Variants in RFT1 observed in about 807,000 individuals in gnomAD.
RFT1 encodes man(5)GlcNAc(2)-PP-dolichol translocation protein RFT1.
RFT1 carries 43 observed loss-of-function variants against 62.2 expected under a neutral mutation model. The observed-to-expected ratio is 0.69, with a 90% CI of 0.54 to 0.89. The LOEUF (loss-of-function observed/expected upper bound fraction) is 0.89, where lower values mean the gene tolerates loss of function less well. Ranked by LOEUF, RFT1 falls within the 40% of genes least tolerant of loss-of-function variation. The probability of loss-of-function intolerance (pLI) is 0.00; values close to 1 mark genes in which losing one functional copy is unlikely to be tolerated. For missense variants in RFT1, 605 were observed against 649.9 expected (o/e 0.93, Z 0.75); for synonymous variants, 262 against 264.6 (o/e 0.99, Z 0.10).
At chr3:53,092,095 G>A (rs1308907873) in intron 12 of RFT1, 25 bp from the exon 13 acceptor site, 4 of 1,613,800 alleles carry the variant, frequency 2.5e-6, no homozygotes, top group Admixed American at 3.3e-5. Context: ...CATTGTCAGT[G>A]CCTGTTCCTC....
chr3:53,098,596 A>T (rs1701213571), intron 11 of RFT1, among the ~76,000 whole-genome samples: 1 of 152,064 alleles, frequency 6.6e-6, no homozygotes, highest in Non-Finnish European at 1.5e-5. Context: ...AGGTCAGGAG[A>T]TCGAGACCAA....
In RFT1 at chr3:53,103,148, G is replaced by C. The variant is rs562902839; in HGVS notation, c.1102+805C>G. 5 of 985,250 alleles carry C rather than the reference G, an allele frequency of 5.1e-6. No homozygotes were observed. In the East Asian group the frequency reaches 3.4e-4, roughly 67 times the overall value. 61.0% of individuals were successfully genotyped at this position (985,250 alleles called of 1,614,324 possible). On this transcript the variant is annotated intron_variant, in intron 10 of 12. Coordinates refer to ENST00000296292, the MANE Select transcript of RFT1 (RefSeq NM_052859.4). The stretch of plus-strand genomic sequence containing the variant: ...CTTCCTCCCCTAACACCAAAAGTTT[G>C]GGCCCCATTGTAGTGGAGACTAAAA...
At chr3:53,087,095 A>T (rs1194697772), downstream of RFT1, among the ~76,000 whole-genome samples, 1 of 152,126 alleles carries the variant, frequency 6.6e-6, no homozygotes, top group Non-Finnish European at 1.5e-5. Context: ...AAAATTAGCC[A>T]GGTGTGGTGG....
chr3:53,112,905 G>A (rs1241824624), intron 6 of RFT1, among the ~76,000 whole-genome samples: 4 of 152,076 alleles, frequency 2.6e-5, no homozygotes, highest in Admixed American at 2.6e-4. Context: ...CAGGGAGCTC[G>A]GTATCCTCTG....
At chr3:53,081,582 C>G in the RFT1 span, among the ~76,000 whole-genome samples, 1 of 152,158 alleles carries the variant, frequency 6.6e-6, no homozygotes, top group Non-Finnish European at 1.5e-5. Flanking sequence ...GATGAGGAAA[C>G]TGAGGCACAG....
rs886058726 is a variant in RFT1 at position 53,121,693 on chromosome 3, T to A, written c.558+6A>T. 3.7e-6 allele frequency: 6 copies of A among 1,608,634 alleles called. No homozygotes were observed. Among genetic ancestry groups the A allele is most frequent in the Non-Finnish European group, 4.3e-6 (5 of 1,175,656 alleles). The stretch of plus-strand genomic sequence containing the variant: ...CATATAAAAAGTTAAAAGCCATGAT[T>A]CTTACCTGGGCCAAAGAGAAAATGT... On this transcript the variant is annotated splice_donor_region_variant and intron_variant, in intron 5 of 12. Coordinates refer to ENST00000296292, the MANE Select transcript of RFT1 (RefSeq NM_052859.4).
chr3:53,128,906 T>C (rs186021079), intron 1 of RFT1, among the ~76,000 whole-genome samples: 19 of 152,290 alleles, frequency 1.2e-4, no homozygotes, highest in Admixed American at 3.9e-4. Flanking sequence ...AGACTGAGGG[T>C]TAAGTGATTT....
intron 6 of RFT1, among the ~76,000 whole-genome samples, chr3:53,114,037 G>A (rs1701725067): frequency 1.3e-5 from 2 of 152,130 alleles, no homozygotes; most frequent in Non-Finnish European, 2.9e-5. Context: ...AGGAAATTGG[G>A]CCACAAGATG....
intron 1 of RFT1, among the ~76,000 whole-genome samples, chr3:53,130,060 T>C (rs1421738597): frequency 6.6e-6 from 1 of 152,178 alleles, no homozygotes; most frequent in African/African-American, 2.4e-5. Context: ...CGCCACCTGA[T>C]CTAATTCACT....
downstream of RFT1, among the ~76,000 whole-genome samples, chr3:53,084,246 G>T (rs1419290381): frequency 6.6e-6 from 1 of 152,214 alleles, no homozygotes; most frequent in African/African-American, 2.4e-5. Flanking sequence ...GGGAACAGTG[G>T]TGGACAACAA....
the RFT1 span, among the ~76,000 whole-genome samples, chr3:53,073,137 G>A: frequency 6.6e-6 from 1 of 152,242 alleles, no homozygotes; most frequent in Admixed American, 6.5e-5. Flanking sequence ...ACGGTGTCCA[G>A]GTCGAGGGCA....
At chr3:53,114,024 A>G (rs1559592799) in intron 6 of RFT1, among the ~76,000 whole-genome samples, 1 of 152,208 alleles carries the variant, frequency 6.6e-6, no homozygotes, top group African/African-American at 2.4e-5. Flanking sequence ...TTCCCTGATG[A>G]GAAGGAAATT....
intron 11 of RFT1, among the ~76,000 whole-genome samples, chr3:53,097,831 T>C (rs1181115872): frequency 6.6e-6 from 1 of 152,242 alleles, no homozygotes; most frequent in Non-Finnish European, 1.5e-5. Context: ...CAAAGCTAAA[T>C]TGAAATAGAC....
At chr3:53,107,166 C>T (rs1308212990) in intron 7 of RFT1, among the ~76,000 whole-genome samples, 2 of 146,754 alleles carry the variant, frequency 1.4e-5, no homozygotes, top group African/African-American at 2.5e-5. Flanking sequence ...GACGGAGTCT[C>T]GCTCTGTCAC....
chr3:53,109,189 G>T (rs1347276830), intron 7 of RFT1, among the ~76,000 whole-genome samples: 4 of 152,130 alleles, frequency 2.6e-5, no homozygotes, highest in African/African-American at 9.7e-5. Flanking sequence ...ACCACCTAGT[G>T]TGTCTTTTCT....
In RFT1 at chr3:53,090,345, G is replaced by C. The variant is rs1700956642; in HGVS notation, c.*1558C>G. The C allele has an allele frequency of 6.5e-6, 1 of 152,734 alleles. No homozygotes were observed. The highest frequency in any genetic ancestry group is 2.4e-5 in the African/African-American group (1 of 41,452). 9.5% of individuals were successfully genotyped at this position (152,734 alleles called of 1,614,324 possible). ...GGAAGGAGGACTGCCTTCCGTGTGTGCTCCACTTGACCCTATGGGACCATC... is the reference window on the plus strand; with the variant it reads ...GGAAGGAGGACTGCCTTCCGTGTGTCCTCCACTTGACCCTATGGGACCATC... On this transcript the variant is annotated 3_prime_UTR_variant, in exon 13 of 13. Coordinates refer to ENST00000296292, the MANE Select transcript of RFT1 (RefSeq NM_052859.4).
chr3:53,096,064 C>T (rs1377271833), intron 11 of RFT1, among the ~76,000 whole-genome samples: 1 of 152,148 alleles, frequency 6.6e-6, no homozygotes, highest in East Asian at 1.9e-4. Context: ...GCCATAGGGG[C>T]CTGCCCAGCA....
At position 53,125,994 on chromosome 3, in the gene RFT1, C is replaced by T. The variant is rs374252619; in HGVS notation, c.64G>A (p.Val22Met). Residue 22 changes from valine (V) to methionine (M), a missense_variant and splice_region_variant, in exon 2 of 13, where the codon GTG becomes ATG. By Grantham distance (21) the Val-to-Met change is conservative (BLOSUM62 1). Coordinates refer to ENST00000296292, the MANE Select transcript of RFT1 (RefSeq NM_052859.4). ...ACAAAGGTGATCAACCGAAACAACA[C>T]CTATAGAAAAAGAGGAAAAATACGT... ...RLASSGLLLQVLFRLITFVLN... is the reference protein window; with the variant it reads ...RLASSGLLLQMLFRLITFVLN... 5 of 1,611,228 alleles carry T rather than the reference C, an allele frequency of 3.1e-6. No homozygotes were observed. The highest frequency in any genetic ancestry group is 2.2e-5 in the East Asian group (1 of 44,870).
At chr3:53,096,614 C>T (rs903897442) in intron 11 of RFT1, among the ~76,000 whole-genome samples, 12 of 151,678 alleles carry the variant, frequency 7.9e-5, no homozygotes, top group African/African-American at 2.9e-4. Context: ...ACCTGGGAGG[C>T]GGAGGCTGCA....
Sources: gnomAD v4.1 joint callset for allele counts (sites outside exome capture counted in the v4.1 genomes callset) on GRCh38, gnomAD v4.1.1 for gene constraint, MANE v1.5 for transcripts, NCBI Gene and HGNC (gene_info 2026-07-23, HGNC 2026-07-21) for gene names.